COG5: variants seen among roughly 807,000 people sequenced by gnomAD.
COG5 encodes conserved oligomeric Golgi complex subunit 5.
A neutral mutation model predicts 110.4 loss-of-function variants in COG5; 86 were observed. The ratio of observed to expected loss-of-function variants is 0.78; its 90% CI spans 0.65 to 0.93. The LOEUF (loss-of-function observed/expected upper bound fraction) is 0.93, where lower values mean the gene tolerates loss of function less well. COG5 is among the 40% of genes least tolerant of loss of function. The pLI is 0.00. For synonymous variants in COG5, 360 were observed against 334.6 expected, an observed-to-expected ratio of 1.08 and a Z score of -0.83; for missense variants, 1,077 against 987.0, an observed-to-expected ratio of 1.09 and a Z score of -1.22.
At chr7:107,382,857 A>T (rs187422513) in intron 7 of COG5, among the ~76,000 whole-genome samples, 6 of 152,248 alleles carry the variant, frequency 3.9e-5, no homozygotes, top group African/African-American at 1.4e-4. Flanking sequence ...TTCTAAATTC[A>T]CTAGTTGTTT....
At chr7:107,447,970 A>G (rs1364131863) in intron 6 of COG5, among the ~76,000 whole-genome samples, 6 of 152,172 alleles carry the variant, frequency 3.9e-5, no homozygotes, top group African/African-American at 7.2e-5. Context: ...AGCCTGGCCA[A>G]TATGGTGAAA....
At chr7:107,335,471 C>A (rs1810626826) in intron 10 of COG5, among the ~76,000 whole-genome samples, 1 of 151,970 alleles carries the variant, frequency 6.6e-6, no homozygotes, top group Non-Finnish European at 1.5e-5. Context: ...AAAACATTTA[C>A]TAAAAATAAA....
At chr7:107,548,420 A>G (rs1802632024) in intron 3 of COG5, 88 bp from the exon 4 acceptor site, 1 of 1,249,844 alleles carries the variant, frequency 8.0e-7, no homozygotes, top group Non-Finnish European at 1.2e-6. Context: ...ATACATGCAT[A>G]TATAATTTTA....
chr7:107,223,456 G>C (rs1800100171), intron 19 of COG5, among the ~76,000 whole-genome samples: 1 of 152,160 alleles, frequency 6.6e-6, no homozygotes, highest in African/African-American at 2.4e-5. Flanking sequence ...GTCTATACCA[G>C]CAGACCAGGT....
intron 10 of COG5, among the ~76,000 whole-genome samples, chr7:107,354,202 T>TA (rs1812425776): frequency 6.6e-6 from 1 of 152,204 alleles, no homozygotes; most frequent in South Asian, 2.1e-4. Flanking sequence ...TCCTTGACAT[T>TA]AGTTTATTTA....
At chr7:107,314,464 C>A (rs1021074919) in intron 11 of COG5, among the ~76,000 whole-genome samples, 1 of 151,814 alleles carries the variant, frequency 6.6e-6, no homozygotes, top group African/African-American at 2.4e-5. Flanking sequence ...GGAAGTCTGG[C>A]TGGGCACAGC....
chr7:107,293,806 C>A (rs1489009689), intron 12 of COG5, among the ~76,000 whole-genome samples: 2 of 152,156 alleles, frequency 1.3e-5, no homozygotes, highest in Non-Finnish European at 2.9e-5. Flanking sequence ...GGTGCGGTGA[C>A]TCAGGCCTGT....
At chr7:107,374,846 A>T (rs1281756526) in intron 7 of COG5, among the ~76,000 whole-genome samples, 1 of 152,004 alleles carries the variant, frequency 6.6e-6, no homozygotes, top group East Asian at 1.9e-4. Flanking sequence ...CACATAGATT[A>T]TGCCAGTAAA....
At chr7:107,413,733 T>C (rs1207229949) in intron 6 of COG5, among the ~76,000 whole-genome samples, 1 of 152,114 alleles carries the variant, frequency 6.6e-6, no homozygotes, top group African/African-American at 2.4e-5. Flanking sequence ...AAGAACAAAA[T>C]GATGATGATG....
At chr7:107,333,991 G>A (rs1810486827) in intron 10 of COG5, among the ~76,000 whole-genome samples, 3 of 152,020 alleles carry the variant, frequency 2.0e-5, no homozygotes, top group Admixed American at 1.3e-4. Flanking sequence ...CTCTCTTGGG[G>A]TCAATATTGC....
Position 107,331,219 on chromosome 7 carries a change from T to C in COG5, c.1027-6698A>G, listed in dbSNP as rs149471091. On this transcript the variant is annotated intron_variant, in intron 10 of 21. Transcript: ENST00000297135. ...GGCTGGGCACGGTGGCTCACGCCTG[T>C]AATCCCAGCACTTTGGGAGGCCGAG... Among the ~76,000 whole-genome samples, 247 of 152,288 alleles carry C rather than the reference T, an allele frequency of 1.6e-3. 1 individual carries two copies. The highest frequency in any genetic ancestry group is 5.6e-3 in the African/African-American group (232 of 41,562).
chr7:107,219,058 A>T (rs1799716594), intron 19 of COG5, among the ~76,000 whole-genome samples: 1 of 152,158 alleles, frequency 6.6e-6, no homozygotes, highest in South Asian at 2.1e-4. Flanking sequence ...TCTCAAAAAA[A>T]GTCATATAAA....
At chr7:107,307,760 G>A (rs914052899) in intron 11 of COG5, among the ~76,000 whole-genome samples, 4 of 152,018 alleles carry the variant, frequency 2.6e-5, no homozygotes, top group Non-Finnish European at 4.4e-5. Context: ...GACATGATGG[G>A]GGAGAAGGGT....
intron 6 of COG5, among the ~76,000 whole-genome samples, chr7:107,502,563 T>C (rs1212415680): frequency 6.6e-6 from 1 of 152,156 alleles, no homozygotes; most frequent in Non-Finnish European, 1.5e-5. Flanking sequence ...GATTGAATGG[T>C]AGATCTACTT....
At chr7:107,563,664 G>T in intron 1 of COG5, 139 bp downstream of exon 1, 2 of 938,292 alleles carry the variant, frequency 2.1e-6, no homozygotes, top group Non-Finnish European at 3.4e-6. Context: ...ACCCAAGCCA[G>T]GGGGCCGGGC....
chr7:107,303,878 A>G (rs562927994), intron 11 of COG5, among the ~76,000 whole-genome samples: 8 of 152,296 alleles, frequency 5.3e-5, no homozygotes, highest in Admixed American at 4.6e-4. Flanking sequence ...TACAAGGAAA[A>G]TTACAGGTTA....
intron 7 of COG5, among the ~76,000 whole-genome samples, chr7:107,401,209 A>T (rs571329724): frequency 1.6e-4 from 24 of 152,242 alleles, no homozygotes; most frequent in African/African-American, 5.8e-4. Flanking sequence ...GTTCAAATTA[A>T]TTTCCATTCA....
chr7:107,352,278 G>A (rs1196841801), intron 10 of COG5, among the ~76,000 whole-genome samples: 1 of 123,504 alleles, frequency 8.1e-6, no homozygotes, highest in Admixed American at 9.7e-5. Context: ...ATGGACACAG[G>A]AAGGGGAACA....
intron 12 of COG5, among the ~76,000 whole-genome samples, chr7:107,287,764 T>C (rs1420045383): frequency 6.6e-6 from 1 of 152,206 alleles, no homozygotes. Context: ...GTGTGTGTTT[T>C]ACTGTCTTCT....
Sources: gnomAD v4.1 joint callset for allele counts (sites outside exome capture counted in the v4.1 genomes callset) on GRCh38, gnomAD v4.1.1 for gene constraint, MANE v1.5 for transcripts, NCBI Gene and HGNC (gene_info 2026-07-23, HGNC 2026-07-21) for gene names.